ADGRL3: variants seen among roughly 807,000 people sequenced by gnomAD.
ADGRL3 encodes the protein adhesion G protein-coupled receptor L3.
ADGRL3 carries 62 observed loss-of-function variants against 153.5 expected under a neutral mutation model. The observed-to-expected ratio is 0.40, with a 90% CI of 0.33 to 0.50. The LOEUF (loss-of-function observed/expected upper bound fraction) is 0.50. Ranked by LOEUF, ADGRL3 falls within the 20% of genes least tolerant of loss-of-function variation. ADGRL3 has a pLI of 0.47. For synonymous variants in ADGRL3, 710 were observed against 672.5 expected, an observed-to-expected ratio of 1.06 and a Z score of -0.86; for missense variants, 1,641 against 1,859.4, an observed-to-expected ratio of 0.88 and a Z score of 2.16.
At chr4:61,419,886 C>T (rs994565418) in intron 2 of ADGRL3, among the ~76,000 whole-genome samples, 1 of 151,822 alleles carries the variant, frequency 6.6e-6, no homozygotes, top group East Asian at 1.9e-4. Context: ...CCTCCACCTC[C>T]GGGTTTGAGT....
At chr4:61,895,637 T>C in intron 10 of ADGRL3, 94 bp from the exon 11 acceptor site, 1 of 643,130 alleles carries the variant, frequency 1.6e-6, no homozygotes. Flanking sequence ...TCAATTTAAT[T>C]ATCTCATTTT....
rs372292445 is a variant in ADGRL3 at position 61,331,058 on chromosome 4, C to A, written c.-239-52066C>A. 1.2e-3 allele frequency among the ~76,000 whole-genome samples: 187 copies of A among 152,230 alleles called. 7 individuals are homozygous for A. In the South Asian group the frequency reaches 0.037, roughly 30 times the overall value. On this transcript the variant is annotated intron_variant, in intron 1 of 26. Transcript: ENST00000683033. ...GTCAAGTGGTTCCTGCTTTTGAAAC[C>A]AGTTAGGTTCAAGGGGAGGGATCAT...
At chr4:61,929,867 C>G (rs1016750123) in intron 13 of ADGRL3, among the ~76,000 whole-genome samples, 1 of 152,164 alleles carries the variant, frequency 6.6e-6, no homozygotes, top group Middle Eastern at 3.4e-3. Context: ...CCTGAATGAG[C>G]TAGTGACTTA....
chr4:62,008,296 G>T (rs114881779), intron 21 of ADGRL3, among the ~76,000 whole-genome samples: 1 of 151,984 alleles, frequency 6.6e-6, no homozygotes, highest in Non-Finnish European at 1.5e-5. Flanking sequence ...CTTTTAATTT[G>T]GTAAGAATAC....
chr4:61,988,691 A>T (rs1040378518), intron 19 of ADGRL3, among the ~76,000 whole-genome samples: 1 of 152,120 alleles, frequency 6.6e-6, no homozygotes, highest in Non-Finnish European at 1.5e-5. Context: ...AGTTTATAGC[A>T]TTTTCGACTC....
intron 11 of ADGRL3, among the ~76,000 whole-genome samples, chr4:61,907,742 G>C (rs1040065158): frequency 6.6e-5 from 10 of 151,920 alleles, no homozygotes; most frequent in African/African-American, 2.4e-4. Context: ...GCTATATTTT[G>C]CAAAAATTGA....
intron 2 of ADGRL3, among the ~76,000 whole-genome samples, chr4:61,484,505 G>T (rs2098168182): frequency 6.6e-6 from 1 of 152,102 alleles, no homozygotes; most frequent in African/African-American, 2.4e-5. Flanking sequence ...TAATCTGCCA[G>T]CTTGGTTGTT....
intron 8 of ADGRL3, among the ~76,000 whole-genome samples, chr4:61,762,337 T>C (rs555033885): frequency 6.6e-6 from 1 of 152,290 alleles, no homozygotes; most frequent in Non-Finnish European, 1.5e-5. Flanking sequence ...ACAATGCTTC[T>C]TATGTAATTC....
intron 5 of ADGRL3, among the ~76,000 whole-genome samples, chr4:61,598,111 G>A (rs1209789172): frequency 1.3e-5 from 2 of 152,138 alleles, no homozygotes; most frequent in Admixed American, 1.3e-4. Flanking sequence ...CAAACATAGA[G>A]CCCTTCAAAT....
At chr4:61,455,498 C>T (rs1172816040) in intron 2 of ADGRL3, among the ~76,000 whole-genome samples, 1 of 151,842 alleles carries the variant, frequency 6.6e-6, no homozygotes, top group African/African-American at 2.4e-5. Context: ...CCATCTAGGC[C>T]CTGAGATTGT....
chr4:61,613,574 T>G, intron 5 of ADGRL3, among the ~76,000 whole-genome samples: 1 of 152,100 alleles, frequency 6.6e-6, no homozygotes, highest in African/African-American at 2.4e-5. Flanking sequence ...TGAAACCCTG[T>G]CTCTACTAAA....
At chr4:61,732,486 G>A (rs1389412501) in intron 7 of ADGRL3, among the ~76,000 whole-genome samples, 1 of 151,942 alleles carries the variant, frequency 6.6e-6, no homozygotes, top group African/African-American at 2.4e-5. Context: ...CAAAAATATT[G>A]TAGCATATTT....
At chr4:61,278,042 C>T (rs1216013264) in intron 1 of ADGRL3, among the ~76,000 whole-genome samples, 4 of 152,174 alleles carry the variant, frequency 2.6e-5, no homozygotes, top group Admixed American at 6.5e-5. Flanking sequence ...AAGTGCTGGT[C>T]AGGAAATTAA....
chr4:61,928,723 G>A (rs116350751), intron 13 of ADGRL3, among the ~76,000 whole-genome samples: 1,672 of 152,028 alleles, frequency 0.011, 26 homozygotes, highest in African/African-American at 0.038. Flanking sequence ...TCTTAACTTC[G>A]TCTCATTCAC....
intron 3 of ADGRL3, among the ~76,000 whole-genome samples, chr4:61,504,641 T>G (rs892366797): frequency 2.0e-5 from 3 of 152,166 alleles, no homozygotes; most frequent in Admixed American, 2.0e-4. Context: ...AACCATCTTC[T>G]CTTCATCTTT....
chr4:61,398,539 G>A lies in ADGRL3; in HGVS notation c.-174+15350G>A, dbSNP rs116669960. On this transcript the variant is annotated intron_variant, in intron 2 of 26. Coordinates refer to ENST00000683033, the MANE Select transcript of ADGRL3 (RefSeq NM_001387552.1). ...GTTTAATTCATGTTGGTCCTATCTA[G>A]CAAACTTAACCTGATGTATTACTTG... 3.2e-3 allele frequency among the ~76,000 whole-genome samples: 491 copies of A among 151,622 alleles called. 5 individuals are homozygous for A. The highest frequency in any genetic ancestry group is 0.011 in the African/African-American group (441 of 41,438).
At chr4:61,363,934 T>C (rs145109610) in intron 1 of ADGRL3, among the ~76,000 whole-genome samples, 1 of 152,266 alleles carries the variant, frequency 6.6e-6, no homozygotes, top group East Asian at 1.9e-4. Flanking sequence ...TTTACTGTTA[T>C]GCATATATAT....
intron 2 of ADGRL3, among the ~76,000 whole-genome samples, chr4:61,473,409 C>A (rs972171304): frequency 2.6e-5 from 4 of 152,018 alleles, no homozygotes; most frequent in African/African-American, 9.7e-5. Flanking sequence ...GAAAGGAAAG[C>A]AGTTTTTCCT....
At chr4:61,666,692 A>T (rs1385578292) in intron 5 of ADGRL3, among the ~76,000 whole-genome samples, 2 of 152,202 alleles carry the variant, frequency 1.3e-5, no homozygotes, top group African/African-American at 2.4e-5. Context: ...TGCAATATAT[A>T]AGGTGCGTAT....
Sources: gnomAD v4.1 joint callset for allele counts (sites outside exome capture counted in the v4.1 genomes callset) on GRCh38, gnomAD v4.1.1 for gene constraint, MANE v1.5 for transcripts, NCBI Gene and HGNC (gene_info 2026-07-23, HGNC 2026-07-21) for gene names.